Variants in SPAG16 observed in about 807,000 individuals in gnomAD.
SPAG16 encodes the protein sperm-associated antigen 16 protein.
A neutral mutation model predicts 80.4 loss-of-function variants in SPAG16; 86 were observed. That is an observed-to-expected ratio of 1.07 (90% CI 0.90 to 1.28). The LOEUF is 1.28. Among genes scored for constraint, SPAG16 ranks in the 50% most tolerant of loss-of-function variants. SPAG16 has a pLI of 0.00. For missense variants in SPAG16, 870 were observed against 765.3 expected (o/e 1.14, Z -1.61); for synonymous variants, 294 against 265.9 (o/e 1.11, Z -1.03).
At chr2:214,013,637 A>C (rs963144109) in intron 12 of SPAG16, among the ~76,000 whole-genome samples, 5 of 152,188 alleles carry the variant, frequency 3.3e-5, no homozygotes, top group Non-Finnish European at 7.3e-5. Flanking sequence ...TTTTTTAAAC[A>C]TATTCCTCTA....
intron 5 of SPAG16, among the ~76,000 whole-genome samples, chr2:213,337,733 C>A (rs1242582744): frequency 1.3e-5 from 2 of 151,930 alleles, no homozygotes; most frequent in Non-Finnish European, 1.5e-5. Context: ...TGTTAAAAAA[C>A]CAAACCTATG....
intron 15 of SPAG16, among the ~76,000 whole-genome samples, chr2:214,166,829 A>G (rs2056675151): frequency 6.6e-6 from 1 of 152,178 alleles, no homozygotes; most frequent in African/African-American, 2.4e-5. Flanking sequence ...TTCAATATTA[A>G]GAAAATCAAG....
At chr2:213,700,392 G>A (rs1273063596) in intron 10 of SPAG16, among the ~76,000 whole-genome samples, 1 of 152,000 alleles carries the variant, frequency 6.6e-6, no homozygotes, top group Admixed American at 6.6e-5. Context: ...TTATTTAGGT[G>A]TTATTTATAA....
chr2:213,823,421 C>T (rs191287318), intron 10 of SPAG16, among the ~76,000 whole-genome samples: 6 of 152,160 alleles, frequency 3.9e-5, no homozygotes, highest in African/African-American at 7.2e-5. Context: ...AGTGCAGTGG[C>T]GTGATCTCGG....
chr2:214,029,864 A>G (rs2048323449), intron 13 of SPAG16, among the ~76,000 whole-genome samples: 1 of 152,244 alleles, frequency 6.6e-6, no homozygotes, highest in Non-Finnish European at 1.5e-5. Context: ...CACTTGTTTA[A>G]TGTATACAAT....
chr2:214,156,615 A>G (rs1418784653), intron 15 of SPAG16, among the ~76,000 whole-genome samples: 1 of 152,100 alleles, frequency 6.6e-6, no homozygotes, highest in South Asian at 2.1e-4. Flanking sequence ...TGATTTCTAC[A>G]GAACATTTTA....
intron 15 of SPAG16, among the ~76,000 whole-genome samples, chr2:214,232,429 G>C (rs1688760911): frequency 6.6e-6 from 1 of 151,858 alleles, no homozygotes; most frequent in Admixed American, 6.6e-5. Flanking sequence ...ATGTGATTCA[G>C]AGTTTTCAGT....
At chr2:213,842,852 C>T (rs990806280) in intron 10 of SPAG16, among the ~76,000 whole-genome samples, 1 of 152,110 alleles carries the variant, frequency 6.6e-6, no homozygotes, top group Non-Finnish European at 1.5e-5. Flanking sequence ...ATGTAACTTC[C>T]AGCTCCTAGA....
At chr2:213,784,508 A>G (rs1020481531) in intron 10 of SPAG16, among the ~76,000 whole-genome samples, 9 of 151,556 alleles carry the variant, frequency 5.9e-5, no homozygotes, top group African/African-American at 2.2e-4. Context: ...ATAAAAGTAA[A>G]TGTACTTTTT....
intron 10 of SPAG16, among the ~76,000 whole-genome samples, chr2:213,621,938 A>C (rs13004439): frequency 0.43 from 65,799 of 151,936 alleles, 15,126 homozygotes; most frequent in African/African-American, 0.57. Context: ...CTTATTATTT[A>C]TCACTTCACA....
chr2:213,932,170 A>T (rs368650282), intron 12 of SPAG16, among the ~76,000 whole-genome samples: 86 of 21,652 alleles, frequency 4.0e-3, no homozygotes, highest in South Asian at 0.031. Flanking sequence ...ATATATATAT[A>T]TATATATATA....
intron 13 of SPAG16, among the ~76,000 whole-genome samples, chr2:214,035,158 C>A (rs2048623812): frequency 6.6e-6 from 1 of 152,102 alleles, no homozygotes. Flanking sequence ...CTGGTCTTAT[C>A]ATCATCTCCT....
At chr2:214,122,978 T>C (rs2054293493) in intron 14 of SPAG16, among the ~76,000 whole-genome samples, 2 of 151,998 alleles carry the variant, frequency 1.3e-5, no homozygotes, top group African/African-American at 4.8e-5. Flanking sequence ...CTATACTATG[T>C]GATTTTTTAA....
chr2:213,673,857 A>G lies in SPAG16; in HGVS notation c.1070+183767A>G, dbSNP rs114780020. On this transcript the variant is annotated intron_variant, in intron 10 of 15. Transcript: ENST00000331683. ...TAAATGCTATCACTTTAACGGACAT[A>G]CTCATTCCATTTCTAGTTGTTTAAT... Among the ~76,000 whole-genome samples, 630 of 152,260 alleles carry G rather than the reference A, an allele frequency of 4.1e-3. 6 individuals carry two copies. The highest frequency in any genetic ancestry group is 0.015 in the African/African-American group (612 of 41,578).
At chr2:213,839,326 G>C (rs1474230758) in intron 10 of SPAG16, among the ~76,000 whole-genome samples, 3 of 152,084 alleles carry the variant, frequency 2.0e-5, no homozygotes, top group African/African-American at 7.2e-5. Context: ...TTGCATTGTA[G>C]AATTTTAATG....
intron 13 of SPAG16, among the ~76,000 whole-genome samples, chr2:214,084,021 A>G (rs2051557039): frequency 1.3e-5 from 2 of 152,104 alleles, no homozygotes; most frequent in Non-Finnish European, 2.9e-5. Flanking sequence ...CTTTCAGTGA[A>G]TAACTTCAGC....
chr2:213,834,090 C>A (rs2073950805), intron 10 of SPAG16, among the ~76,000 whole-genome samples: 1 of 152,058 alleles, frequency 6.6e-6, no homozygotes, highest in African/African-American at 2.4e-5. Context: ...GGGGTTTCTG[C>A]TTTTGCTTCT....
At position 214,135,161 on chromosome 2, in the gene SPAG16, C is replaced by G. The variant is rs1576314786; in HGVS notation, c.1594-13979C>G. Among the ~76,000 whole-genome samples, 4 of 152,304 alleles carry G rather than the reference C, an allele frequency of 2.6e-5. No individual in the cohort carries two copies. The South Asian group carries it at 8.3e-4, about 32-fold the overall frequency. The stretch of plus-strand genomic sequence containing the variant: ...CAATACCTACTTCTAGCATTTAACT[C>G]TTCTATTGTAATTGCCTAGTTACTC... On this transcript the variant is annotated intron_variant, in intron 14 of 15. Coordinates refer to ENST00000331683, the MANE Select transcript of SPAG16 (RefSeq NM_024532.5).
chr2:214,084,992 G>A (rs1230737127), intron 13 of SPAG16, among the ~76,000 whole-genome samples: 3 of 152,158 alleles, frequency 2.0e-5, no homozygotes. Context: ...AAAGCAGAGA[G>A]CAATTCATGT....
Sources: gnomAD v4.1 joint callset for allele counts (sites outside exome capture counted in the v4.1 genomes callset) on GRCh38, gnomAD v4.1.1 for gene constraint, MANE v1.5 for transcripts, NCBI Gene and HGNC (gene_info 2026-07-23, HGNC 2026-07-21) for gene names.